KSR2: variants seen among roughly 807,000 people sequenced by gnomAD.
The protein encoded by KSR2 is kinase suppressor of ras 2.
In KSR2, 25 loss-of-function variants were observed where a neutral mutation model predicts 107.8. The ratio of observed to expected loss-of-function variants is 0.23; its 90% CI spans 0.17 to 0.32. The LOEUF (loss-of-function observed/expected upper bound fraction) is 0.32, where lower values mean the gene tolerates loss of function less well. Ranked by LOEUF, KSR2 falls within the 10% of genes least tolerant of loss-of-function variation. KSR2 has a pLI of 1.00. For synonymous variants in KSR2, 480 were observed against 507.0 expected (o/e 0.95, Z 0.71); for missense variants, 887 against 1,268.9 (o/e 0.70, Z 4.57).
At chr12:117,645,323 T>C (rs533971556) in intron 5 of KSR2, among the ~76,000 whole-genome samples, 2 of 152,292 alleles carry the variant, frequency 1.3e-5, no homozygotes, top group South Asian at 2.1e-4. Context: ...TGAACCATCA[T>C]GTTCACTTGT....
At chr12:117,740,424 T>A (rs1888142059) in intron 4 of KSR2, among the ~76,000 whole-genome samples, 1 of 121,604 alleles carries the variant, frequency 8.2e-6, no homozygotes, top group African/African-American at 2.8e-5. Flanking sequence ...ATATTATATA[T>A]GTTATATATT....
chr12:117,779,760 T>C (rs191912018), intron 3 of KSR2, among the ~76,000 whole-genome samples: 1 of 152,336 alleles, frequency 6.6e-6, no homozygotes, highest in Admixed American at 6.5e-5. Context: ...TCTGCCATGA[T>C]TGTAAGTTTC....
chr12:117,937,404 T>C (rs1895879669), intron 1 of KSR2, among the ~76,000 whole-genome samples: 1 of 152,086 alleles, frequency 6.6e-6, no homozygotes, highest in Non-Finnish European at 1.5e-5. Flanking sequence ...CTATTATTAT[T>C]ATTATTACTA....
At chr12:117,958,868 A>G (rs972490738) in intron 1 of KSR2, among the ~76,000 whole-genome samples, 14 of 152,128 alleles carry the variant, frequency 9.2e-5, no homozygotes, top group African/African-American at 3.4e-4. Flanking sequence ...CTATGTAGCC[A>G]TTACAAATAA....
At chr12:117,947,205 A>AAAAG (rs773449400) in intron 1 of KSR2, among the ~76,000 whole-genome samples, 4,489 of 68,956 alleles carry the variant, frequency 0.065, 129 homozygotes, top group South Asian at 0.11. Context: ...GAAAAGAAAG[A>AAAAG]AAAGAAAGAA....
chr12:117,659,686 C>A (rs1884342102), intron 5 of KSR2, among the ~76,000 whole-genome samples: 1 of 152,134 alleles, frequency 6.6e-6, no homozygotes. Context: ...TCAGTTTCCC[C>A]ATCTGTAAAA....
intron 3 of KSR2, among the ~76,000 whole-genome samples, chr12:117,779,293 TG>T (rs1178938419): frequency 6.6e-6 from 1 of 152,198 alleles, no homozygotes; most frequent in Non-Finnish European, 1.5e-5. Context: ...ATTTAATACC[TG>T]CCAACATAAC....
At chr12:117,617,417 T>C (rs1483682375) in intron 5 of KSR2, among the ~76,000 whole-genome samples, 1 of 152,226 alleles carries the variant, frequency 6.6e-6, no homozygotes, top group African/African-American at 2.4e-5. Context: ...TTATAATTTC[T>C]AGATCTCTGC....
At chr12:117,756,896 A>G (rs1888812195) in intron 4 of KSR2, among the ~76,000 whole-genome samples, 1 of 152,052 alleles carries the variant, frequency 6.6e-6, no homozygotes, top group Non-Finnish European at 1.5e-5. Flanking sequence ...CTCTCCTAAA[A>G]ATACAAAAAT....
intron 3 of KSR2, among the ~76,000 whole-genome samples, chr12:117,792,359 AAAG>A (rs1386898438): frequency 3.4e-4 from 51 of 151,846 alleles, no homozygotes; most frequent in South Asian, 1.7e-3. Context: ...TTAAAAAAAA[AAAG>A]AAGAAGAAGA....
intron 5 of KSR2, among the ~76,000 whole-genome samples, chr12:117,596,283 T>C (rs556239638): frequency 6.6e-6 from 1 of 152,230 alleles, no homozygotes; most frequent in Non-Finnish European, 1.5e-5. Context: ...ATGATTCTTA[T>C]TCACTATTAA....
At position 117,558,584 on chromosome 12, in the gene KSR2, TAA is replaced by T; in HGVS notation, c.1326-13_1326-12del. On this transcript the variant is annotated splice_polypyrimidine_tract_variant and intron_variant, in intron 7 of 19. Coordinates refer to ENST00000339824, the MANE Select transcript of KSR2 (RefSeq NM_173598.6). Reference sequence around the variant, plus strand: ...TTGTGGCACTTTAACCTGAGAAAGATAAAGAGAGAGAAAGATGGATAGGTGAA... The same window carrying T: ...TTGTGGCACTTTAACCTGAGAAAGATAGAGAGAGAAAGATGGATAGGTGAA... 6.2e-7 allele frequency: 1 copy of T among 1,611,420 alleles called. No homozygotes were observed. The highest frequency in any genetic ancestry group is 1.3e-5 in the African/African-American group (1 of 74,808).
chr12:117,867,966 T>C (rs1413766451), intron 1 of KSR2, among the ~76,000 whole-genome samples: 2 of 152,212 alleles, frequency 1.3e-5, no homozygotes, highest in Non-Finnish European at 2.9e-5. Flanking sequence ...ATAAATTCTT[T>C]CTTGGGACTT....
intron 1 of KSR2, among the ~76,000 whole-genome samples, chr12:117,892,867 T>C (rs1046726266): frequency 2.0e-5 from 3 of 151,056 alleles, no homozygotes; most frequent in African/African-American, 7.3e-5. Context: ...GTATTGCATC[T>C]CTACTCCAAA....
chr12:117,859,715 C>A (rs2137241884), intron 2 of KSR2, among the ~76,000 whole-genome samples: 1 of 152,226 alleles, frequency 6.6e-6, no homozygotes, highest in South Asian at 2.1e-4. Flanking sequence ...CTTTGGCCTC[C>A]CAAAGTGCTG....
At chr12:117,557,090 G>A (rs141229120) in intron 8 of KSR2, among the ~76,000 whole-genome samples, 5,834 of 152,176 alleles carry the variant, frequency 0.038, 353 homozygotes, top group African/African-American at 0.13. Flanking sequence ...GCTTGAACCC[G>A]GGAGGCAGAG....
chr12:117,599,913 C>A (rs1208682251), intron 5 of KSR2, among the ~76,000 whole-genome samples: 1 of 152,100 alleles, frequency 6.6e-6, no homozygotes, highest in Admixed American at 6.6e-5. Flanking sequence ...ACAAAAGATC[C>A]CACCTAATAT....
chr12:117,491,637 A>G (rs1872750470), intron 14 of KSR2, among the ~76,000 whole-genome samples: 2 of 152,022 alleles, frequency 1.3e-5, no homozygotes, highest in Admixed American at 6.6e-5. Flanking sequence ...TCATCTGTTG[A>G]TGGATTCGAG....
intron 4 of KSR2, among the ~76,000 whole-genome samples, chr12:117,700,386 C>T (rs537110276): frequency 2.6e-5 from 4 of 152,140 alleles, no homozygotes; most frequent in South Asian, 4.1e-4. Flanking sequence ...GCCTCACCTA[C>T]GCATTCCATG....
Sources: gnomAD v4.1 joint callset for allele counts (sites outside exome capture counted in the v4.1 genomes callset) on GRCh38, gnomAD v4.1.1 for gene constraint, MANE v1.5 for transcripts, NCBI Gene and HGNC (gene_info 2026-07-23, HGNC 2026-07-21) for gene names.